EPB41L4A: variants seen among roughly 807,000 people sequenced by gnomAD.
EPB41L4A encodes band 4.1-like protein 4A.
A neutral mutation model predicts 108.6 loss-of-function variants in EPB41L4A; 100 were observed. The observed-to-expected ratio is 0.92, with a 90% confidence interval of 0.78 to 1.09. EPB41L4A has a LOEUF of 1.09. Among genes scored for constraint, EPB41L4A ranks in the 50% least tolerant of loss-of-function variants. The probability of loss-of-function intolerance (pLI) is 0.00; values close to 1 mark genes in which losing one functional copy is unlikely to be tolerated. For missense variants in EPB41L4A, 1,030 were observed against 842.7 expected (o/e 1.22, Z -2.75); for synonymous variants, 319 against 289.0 (o/e 1.10, Z -1.05).
intron 18 of EPB41L4A, chr5:112,173,635 A>G (rs1760712889): frequency 7.3e-6 from 1 of 137,008 alleles, no homozygotes; most frequent in African/African-American, 2.7e-5. Flanking sequence ...AATTAGAGAA[A>G]TGTTATCTTT....
At chr5:112,311,687 GAC>G in intron 1 of EPB41L4A, among the ~76,000 whole-genome samples, 1 of 152,134 alleles carries the variant, frequency 6.6e-6, no homozygotes, top group East Asian at 1.9e-4. Flanking sequence ...CAGCCTGGGC[GAC>G]AGAGTGAGTG....
rs376132286 is a variant in EPB41L4A, at chr5:112,234,705, C to T, written c.1016G>A (p.Arg339Gln). 5.0e-5 allele frequency: 81 copies of T among 1,613,178 alleles called. No homozygotes were observed. The highest frequency in any genetic ancestry group is 4.7e-5 in the Non-Finnish European group (56 of 1,179,504). ...ACTTCTTGTCACATTCTGATCAGGC[C>T]GGGGAAGCTGAATAGAAAGATCTCG... ...MSRDLSIQLP[R>Q]PDQNVTRSRS... Residue 339 changes from arginine to glutamine, a missense_variant, in exon 12 of 23, where the codon CGG becomes CAG. Arg to Gln is a conservative substitution (Grantham distance 43). Transcript: ENST00000261486.
At chr5:112,223,159 T>C (rs185209929) in intron 12 of EPB41L4A, among the ~76,000 whole-genome samples, 6 of 152,000 alleles carry the variant, frequency 3.9e-5, no homozygotes, top group Non-Finnish European at 8.8e-5. Context: ...AGGCTGGTCT[T>C]GAACTCCTGA....
intron 14 of EPB41L4A, 52 bp from the exon 15 acceptor site, chr5:112,204,540 A>AC (rs1236503588): frequency 1.7e-6 from 2 of 1,190,214 alleles, no homozygotes; most frequent in African/African-American, 3.0e-5. Context: ...CCTGGGGGAA[A>AC]ACACACCGCA....
chr5:112,263,673 G>A (rs1458103165), intron 6 of EPB41L4A: 2 of 152,130 alleles, frequency 1.3e-5, no homozygotes, highest in Admixed American at 1.3e-4. Flanking sequence ...TCAGGTTGGA[G>A]AGCCTTCTAG....
chr5:112,394,087 A>G (rs916479479), intron 1 of EPB41L4A, among the ~76,000 whole-genome samples: 1 of 152,112 alleles, frequency 6.6e-6, no homozygotes, highest in Non-Finnish European at 1.5e-5. Context: ...ATAGGATGTA[A>G]CTCAAAATAA....
intron 1 of EPB41L4A, among the ~76,000 whole-genome samples, chr5:112,382,386 T>C (rs1177259910): frequency 6.6e-6 from 1 of 152,170 alleles, no homozygotes; most frequent in Non-Finnish European, 1.5e-5. Flanking sequence ...ACAGATGATA[T>C]GACTATACCT....
intron 9 of EPB41L4A, among the ~76,000 whole-genome samples, chr5:112,252,196 T>G (rs561852208): frequency 6.6e-6 from 1 of 152,284 alleles, no homozygotes; most frequent in Admixed American, 6.5e-5. Context: ...AAGCTATGTA[T>G]CAATATGTGT....
At chr5:112,158,531 ATTAG>A (rs971965657), downstream of EPB41L4A, 1 of 246,630 alleles carries the variant, frequency 4.1e-6, no homozygotes, top group Non-Finnish European at 8.3e-6. Flanking sequence ...CTCTCACTGC[ATTAG>A]TCCATTCTCA....
Position 112,239,817 on chromosome 5 carries a change from C to T in EPB41L4A, c.888-80G>A, listed in dbSNP as rs542601590. 299 of 852,612 alleles carry T rather than the reference C, an allele frequency of 3.5e-4. 1 individual carries two copies. In the African/African-American group the frequency reaches 4.8e-3, roughly 14 times the overall value. The allele number at this position is 852,612 out of a possible 1,614,324, so 52.8% of individuals were successfully genotyped here. On this transcript the variant is annotated intron_variant, in intron 10 of 22. Coordinates refer to ENST00000261486, the MANE Select transcript of EPB41L4A (RefSeq NM_022140.5). ...GGCCACCCCCTTCTCCTAACACAAA[C>T]TTTATAAAGGACTCCAGCCACTTTA...
chr5:112,255,661 CT>C (rs1365440449), intron 9 of EPB41L4A, among the ~76,000 whole-genome samples: 1 of 152,206 alleles, frequency 6.6e-6, no homozygotes, highest in Non-Finnish European at 1.5e-5. Flanking sequence ...GGTTCTCTCT[CT>C]TCTTTTCTCA....
intron 12 of EPB41L4A, among the ~76,000 whole-genome samples, chr5:112,226,305 A>G (rs1206965064): frequency 6.6e-6 from 1 of 152,244 alleles, no homozygotes; most frequent in African/African-American, 2.4e-5. Flanking sequence ...CTTCCTGGAC[A>G]AACTCAGAGA....
At chr5:112,195,290 A>G (rs1761907493) in intron 16 of EPB41L4A, among the ~76,000 whole-genome samples, 1 of 152,184 alleles carries the variant, frequency 6.6e-6, no homozygotes, top group South Asian at 2.1e-4. Context: ...TGGATAACAC[A>G]ACCTCAGCTG....
chr5:112,183,162 C>G (rs1404571443), intron 18 of EPB41L4A, among the ~76,000 whole-genome samples: 1 of 152,094 alleles, frequency 6.6e-6, no homozygotes. Context: ...ATGTGGCACT[C>G]ACAGCTGTCC....
chr5:112,172,123 C>T (rs975220941), intron 18 of EPB41L4A, among the ~76,000 whole-genome samples: 1 of 152,118 alleles, frequency 6.6e-6, no homozygotes, highest in African/African-American at 2.4e-5. Flanking sequence ...TTTTAATCAA[C>T]TCAGGATGAG....
chr5:112,146,283 C>G (rs1475474402), intron 12 of EPB41L4A, among the ~76,000 whole-genome samples: 13 of 152,194 alleles, frequency 8.5e-5, no homozygotes, highest in Non-Finnish European at 1.5e-5. Context: ...AGAAATATAA[C>G]TCACCCATTT....
chr5:112,311,963 G>C (rs1755081279), intron 1 of EPB41L4A, among the ~76,000 whole-genome samples: 1 of 152,114 alleles, frequency 6.6e-6, no homozygotes, highest in Non-Finnish European at 1.5e-5. Context: ...AACAAGAAGT[G>C]GTTCGTGAAC....
intron 8 of EPB41L4A, 32 bp from the exon 9 acceptor site, chr5:112,259,324 T>G: frequency 6.3e-7 from 1 of 1,581,180 alleles, no homozygotes; most frequent in Non-Finnish European, 8.7e-7. Context: ...GTTGCTGCTG[T>G]TTTTAAGTAT....
intron 9 of EPB41L4A, among the ~76,000 whole-genome samples, chr5:112,251,994 T>G (rs1027629183): frequency 6.6e-6 from 1 of 152,206 alleles, no homozygotes; most frequent in African/African-American, 2.4e-5. Context: ...TTTAGTGGTC[T>G]GACCAAAGCA....
Sources: gnomAD v4.1 joint callset for allele counts (sites outside exome capture counted in the v4.1 genomes callset) on GRCh38, gnomAD v4.1.1 for gene constraint, MANE v1.5 for transcripts, NCBI Gene and HGNC (gene_info 2026-07-23, HGNC 2026-07-21) for gene names.